The following FBXL7 variants were observed in gnomAD, a reference collection of about 807,000 sequenced individuals.
FBXL7 encodes F-box/LRR-repeat protein 7.
A neutral mutation model predicts 38.3 loss-of-function variants in FBXL7; 12 were observed. The observed-to-expected ratio is 0.31, with a 90% CI of 0.20 to 0.51. FBXL7 has a LOEUF of 0.51. Among genes scored for constraint, FBXL7 ranks in the 20% least tolerant of loss-of-function variants. The pLI, the probability that FBXL7 is intolerant of heterozygous loss-of-function variation, is 0.98. For synonymous variants in FBXL7, 297 were observed against 300.9 expected (o/e 0.99, Z 0.13); for missense variants, 567 against 676.4 (o/e 0.84, Z 1.79).
rs1240680826 is a variant in FBXL7, at chr5:15,928,154, C to A, written c.392C>A (p.Thr131Asn). Residue 131 changes from threonine to asparagine, a missense_variant, in exon 3 of 4, where the codon ACC becomes AAC. Coordinates refer to ENST00000504595, the MANE Select transcript of FBXL7 (RefSeq NM_012304.5). The surrounding 1 kb of genome is among the most constrained non-coding windows in gnomAD (Gnocchi z 4.0). ...GTGCAGATCTTCTCCTTCCTGCCCACCAACCAGCTGTGCCGCTGCGCGCGA... is the reference window on the plus strand; with the variant it reads ...GTGCAGATCTTCTCCTTCCTGCCCAACAACCAGCTGTGCCGCTGCGCGCGA... ...SMVQIFSFLPTNQLCRCARVC... is the reference protein window; with the variant it reads ...SMVQIFSFLPNNQLCRCARVC... The A allele has an allele frequency of 6.2e-7, 1 of 1,611,370 alleles. No homozygotes were observed. The highest frequency in any genetic ancestry group is 8.5e-7 in the Non-Finnish European group (1 of 1,179,112).
chr5:15,579,887 C>T (rs1233324988), intron 1 of FBXL7, among the ~76,000 whole-genome samples: 1 of 152,188 alleles, frequency 6.6e-6, no homozygotes, highest in Non-Finnish European at 1.5e-5. Context: ...GGCAGCCAAG[C>T]TGCTTACATG....
intron 2 of FBXL7, among the ~76,000 whole-genome samples, chr5:15,829,593 G>A (rs1738401296): frequency 6.6e-6 from 1 of 151,986 alleles, no homozygotes; most frequent in Admixed American, 6.6e-5. Context: ...GTAACATATG[G>A]TAATGCTTTA....
At chr5:15,639,931 C>G (rs905045496) in intron 2 of FBXL7, among the ~76,000 whole-genome samples, 2 of 152,060 alleles carry the variant, frequency 1.3e-5, no homozygotes, top group Non-Finnish European at 2.9e-5. Flanking sequence ...GTTCTTTTCA[C>G]CCAGCTGTAG....
intron 2 of FBXL7, among the ~76,000 whole-genome samples, chr5:15,844,383 C>G (rs1250892997): frequency 6.6e-6 from 1 of 152,154 alleles, no homozygotes. Context: ...TTGAGTGGCT[C>G]CAAATACACA....
chr5:15,709,961 C>T (rs1042634795), intron 2 of FBXL7, among the ~76,000 whole-genome samples: 1 of 152,174 alleles, frequency 6.6e-6, no homozygotes, highest in Non-Finnish European at 1.5e-5. Context: ...CTCCTAAAGC[C>T]TCCACCTATT....
chr5:15,835,409 T>C (rs1260809108), intron 2 of FBXL7, among the ~76,000 whole-genome samples: 2 of 152,214 alleles, frequency 1.3e-5, no homozygotes, highest in Non-Finnish European at 2.9e-5. Flanking sequence ...TTATACATTA[T>C]TATGCAATTA....
chr5:15,749,362 C>A (rs917627548), intron 2 of FBXL7, among the ~76,000 whole-genome samples: 6 of 151,450 alleles, frequency 4.0e-5, no homozygotes, highest in African/African-American at 1.5e-4. Context: ...TGCGGTGGCT[C>A]ACGCCTGTAA....
intron 1 of FBXL7, among the ~76,000 whole-genome samples, chr5:15,566,293 C>T (rs1290801474): frequency 1.3e-5 from 2 of 152,156 alleles, no homozygotes; most frequent in African/African-American, 4.8e-5. Context: ...CTGTGCTCCG[C>T]TGCCTTTTTT....
intron 2 of FBXL7, among the ~76,000 whole-genome samples, chr5:15,693,048 T>G (rs370984509): frequency 1.3e-5 from 2 of 152,290 alleles, no homozygotes; most frequent in East Asian, 1.9e-4. Flanking sequence ...GGGATTTTAC[T>G]CATTTCTATG....
At chr5:15,753,700 G>T (rs1197378116) in intron 2 of FBXL7, among the ~76,000 whole-genome samples, 1 of 152,160 alleles carries the variant, frequency 6.6e-6, no homozygotes, top group Non-Finnish European at 1.5e-5. Context: ...TGTAGTTCTA[G>T]TGGCTATATT....
chr5:15,885,171 C>T (rs1377758776), intron 2 of FBXL7, among the ~76,000 whole-genome samples: 1 of 152,188 alleles, frequency 6.6e-6, no homozygotes, highest in Admixed American at 6.5e-5. Context: ...GGATGCAGTT[C>T]TTTGCAAGTT....
At chr5:15,619,498 T>C (rs556849699) in intron 2 of FBXL7, among the ~76,000 whole-genome samples, 2 of 152,318 alleles carry the variant, frequency 1.3e-5, no homozygotes, top group Admixed American at 1.3e-4. Context: ...TCCCACTGTT[T>C]TCTAGAACTA....
intron 1 of FBXL7, among the ~76,000 whole-genome samples, chr5:15,593,917 A>G (rs570621185): frequency 6.6e-6 from 1 of 152,296 alleles, no homozygotes; most frequent in East Asian, 1.9e-4. Context: ...AGGTAACCCC[A>G]AAGAAATGTT....
intron 2 of FBXL7, among the ~76,000 whole-genome samples, chr5:15,620,155 A>G (rs893396112): frequency 1.3e-5 from 2 of 152,194 alleles, no homozygotes; most frequent in East Asian, 1.9e-4. Context: ...TGCTTAAAAA[A>G]GAGTGTTGGG....
At chr5:15,884,029 C>A (rs1246598374) in intron 2 of FBXL7, among the ~76,000 whole-genome samples, 1 of 152,076 alleles carries the variant, frequency 6.6e-6, no homozygotes, top group Non-Finnish European at 1.5e-5. Context: ...TAACAAAATC[C>A]CACACACTTA....
In FBXL7 at chr5:15,653,358, ATT is replaced by A. The variant is rs538818246; in HGVS notation, c.127+37287_127+37288del. ...AAGCAAAGTTACAGTAAAATGAAGTATTCTCTTATTTAGTTTTTGCATGTGGA... is the reference window on the plus strand; with the variant it reads ...AAGCAAAGTTACAGTAAAATGAAGTACTCTTATTTAGTTTTTGCATGTGGA... On this transcript the variant is annotated intron_variant, in intron 2 of 3. Coordinates refer to ENST00000504595, the MANE Select transcript of FBXL7 (RefSeq NM_012304.5). 4.6e-5 allele frequency among the ~76,000 whole-genome samples: 7 copies of A among 152,260 alleles called. No individual in the cohort carries two copies. In the South Asian group the frequency reaches 1.5e-3, roughly 32 times the overall value.
chr5:15,744,954 A>C (rs111608913), intron 2 of FBXL7, among the ~76,000 whole-genome samples: 16,760 of 152,164 alleles, frequency 0.11, 1,025 homozygotes, highest in South Asian at 0.16. Flanking sequence ...ACATGAGGGT[A>C]ACTGCCCCCA....
chr5:15,723,840 C>T (rs1263603401), intron 2 of FBXL7, among the ~76,000 whole-genome samples: 1 of 152,194 alleles, frequency 6.6e-6, no homozygotes, highest in African/African-American at 2.4e-5. Context: ...TGTCCAATGA[C>T]TGAATAGTCT....
intron 2 of FBXL7, among the ~76,000 whole-genome samples, chr5:15,768,717 T>C (rs1736656372): frequency 6.6e-6 from 1 of 152,072 alleles, no homozygotes; most frequent in African/African-American, 2.4e-5. Flanking sequence ...ACTCATGGTG[T>C]GGTGTGTTTC....
Sources: gnomAD v4.1 joint callset for allele counts (sites outside exome capture counted in the v4.1 genomes callset) on GRCh38, gnomAD v4.1.1 for gene constraint, Gnocchi (gnomAD v3.1) non-coding constraint, MANE v1.5 for transcripts, NCBI Gene and HGNC (gene_info 2026-07-23, HGNC 2026-07-21) for gene names.